CA10: variants seen among roughly 807,000 people sequenced by gnomAD.
CA10 encodes carbonic anhydrase 10 (inactive), also known as carbonic anhydrase-related protein 10.
CA10 carries 14 observed loss-of-function variants against 44.2 expected under a neutral mutation model. The observed-to-expected ratio is 0.32, with a 90% CI of 0.21 to 0.50. The LOEUF is 0.50. CA10 is among the 20% of genes least tolerant of loss of function. CA10 has a pLI of 0.99. For synonymous variants in CA10, 159 were observed against 141.6 expected (o/e 1.12, Z -0.87); for missense variants, 350 against 409.7 (o/e 0.85, Z 1.26).
At chr17:52,072,715 AC>A (rs1437723384) in intron 1 of CA10, among the ~76,000 whole-genome samples, 30 of 149,898 alleles carry the variant, frequency 2.0e-4, no homozygotes, top group African/African-American at 6.9e-4. Flanking sequence ...ACACACACAC[AC>A]AACACACACA....
chr17:51,832,132 G>A (rs1251128782), intron 3 of CA10, among the ~76,000 whole-genome samples: 1 of 152,194 alleles, frequency 6.6e-6, no homozygotes, highest in Admixed American at 6.5e-5. Context: ...CACACCCCCA[G>A]TGCCACCTGG....
intron 2 of CA10, among the ~76,000 whole-genome samples, chr17:51,967,999 T>C (rs890146097): frequency 2.0e-5 from 3 of 151,824 alleles, no homozygotes; most frequent in Non-Finnish European, 2.9e-5. Flanking sequence ...TCTAATCACA[T>C]GATCCATTTA....
chr17:52,156,187 AAGAG>A (rs907532674), intron 1 of CA10, among the ~76,000 whole-genome samples: 3 of 152,328 alleles, frequency 2.0e-5, no homozygotes, highest in African/African-American at 7.2e-5. Context: ...ATTCTGGAAC[AAGAG>A]AGAGAGTTTG....
intron 2 of CA10, among the ~76,000 whole-genome samples, chr17:52,049,871 T>C (rs1035013831): frequency 2.0e-5 from 3 of 152,108 alleles, no homozygotes; most frequent in Non-Finnish European, 4.4e-5. Context: ...GAATACCATA[T>C]GTTTTACTGG....
chr17:51,942,217 A>G (rs1483786903), intron 2 of CA10, among the ~76,000 whole-genome samples: 2 of 152,080 alleles, frequency 1.3e-5, no homozygotes, highest in African/African-American at 4.8e-5. Context: ...TATTATTTAC[A>G]CAAATAACAG....
In CA10 at chr17:51,724,988, A is replaced by G. The variant is rs147609126; in HGVS notation, c.465+22645T>C. On this transcript the variant is annotated intron_variant, in intron 4 of 8. Coordinates refer to ENST00000451037, the MANE Select transcript of CA10 (RefSeq NM_020178.5). ...TGGTAGGAGCAGTTTTATGGTCCTC[A>G]ACAGTCACCATATGCATTCCTTATA... Among the ~76,000 whole-genome samples the G allele has an allele frequency of 3.3e-5, 5 of 152,316 alleles. No individual in the cohort carries two copies. In the East Asian group the frequency reaches 9.6e-4, roughly 29 times the overall value.
rs555079955 is a variant in CA10 at position 51,923,310 on chromosome 17, C to T, written c.279+7680G>A. 5.8e-4 allele frequency among the ~76,000 whole-genome samples: 89 copies of T among 152,244 alleles called. 4 individuals are homozygous for T. In the South Asian group the frequency reaches 0.018, roughly 32 times the overall value. On this transcript the variant is annotated intron_variant, in intron 3 of 8. Transcript: ENST00000451037. ...AAGATCATCTGACATTTAAGATCCT[C>T]CTGCAAGTTACATTTCTTTCTATCT...
chr17:51,955,938 T>C lies in CA10; in HGVS notation c.137-24806A>G, dbSNP rs542098392. ...GCAGCAAACCACCATGGCACGTGTA[T>C]ACCTATGTAACAAACCTGCACATTC... On this transcript the variant is annotated intron_variant, in intron 2 of 8. Coordinates refer to ENST00000451037, the MANE Select transcript of CA10 (RefSeq NM_020178.5). Among the ~76,000 whole-genome samples the C allele has an allele frequency of 1.3e-3, 194 of 152,246 alleles. 1 individual carries two copies. Among genetic ancestry groups the C allele is most frequent in the Non-Finnish European group, 2.2e-3 (147 of 68,024 alleles).
At chr17:51,966,819 A>G (rs1157787826) in intron 2 of CA10, among the ~76,000 whole-genome samples, 6 of 151,488 alleles carry the variant, frequency 4.0e-5, no homozygotes, top group African/African-American at 1.5e-4. Context: ...GAATTTATGA[A>G]TAAGTCCTTA....
At chr17:52,005,557 T>G (rs1036003933) in intron 2 of CA10, among the ~76,000 whole-genome samples, 3 of 151,888 alleles carry the variant, frequency 2.0e-5, no homozygotes, top group Non-Finnish European at 4.4e-5. Flanking sequence ...CCATGAGTGT[T>G]GCATACTGCC....
chr17:51,888,883 G>C (rs947986751), intron 3 of CA10, among the ~76,000 whole-genome samples: 1 of 152,188 alleles, frequency 6.6e-6, no homozygotes, highest in Non-Finnish European at 1.5e-5. Context: ...ACTGGGATCA[G>C]CTGGGTGACT....
chr17:51,782,697 G>C (rs1906111098), intron 3 of CA10, among the ~76,000 whole-genome samples: 1 of 152,200 alleles, frequency 6.6e-6, no homozygotes, highest in Non-Finnish European at 1.5e-5. Context: ...ATCTTGGCAG[G>C]AAAGCAATTC....
chr17:51,956,539 C>A (rs1052909667), intron 2 of CA10, among the ~76,000 whole-genome samples: 3 of 152,092 alleles, frequency 2.0e-5, no homozygotes, highest in Admixed American at 2.0e-4. Context: ...GAAATTTTAG[C>A]TTCTCATTTG....
intron 2 of CA10, among the ~76,000 whole-genome samples, chr17:52,003,989 T>C (rs977979530): frequency 2.6e-5 from 4 of 151,622 alleles, no homozygotes; most frequent in Non-Finnish European, 4.4e-5. Context: ...CTGTCTCTTA[T>C]GAGGACAACC....
intron 2 of CA10, among the ~76,000 whole-genome samples, chr17:52,059,618 A>G (rs1486598502): frequency 1.3e-5 from 2 of 152,106 alleles, no homozygotes; most frequent in African/African-American, 2.4e-5. Flanking sequence ...ACATGTATAC[A>G]TATGTATCAA....
At chr17:52,117,307 T>G (rs1286453878) in intron 1 of CA10, among the ~76,000 whole-genome samples, 1 of 152,224 alleles carries the variant, frequency 6.6e-6, no homozygotes, top group African/African-American at 2.4e-5. Context: ...GTTTTCCTCA[T>G]GGAAGCCCAG....
intron 4 of CA10, among the ~76,000 whole-genome samples, chr17:51,705,125 T>A (rs1054252324): frequency 1.3e-5 from 2 of 152,226 alleles, no homozygotes; most frequent in Non-Finnish European, 2.9e-5. Flanking sequence ...CATTTTGTAT[T>A]AAGCCTTGAC....
chr17:51,726,072 G>C (rs1916509988), intron 4 of CA10, among the ~76,000 whole-genome samples: 1 of 152,238 alleles, frequency 6.6e-6, no homozygotes, highest in South Asian at 2.1e-4. Flanking sequence ...TGAAAGAGAA[G>C]TAGGATTTGA....
At chr17:51,847,709 T>C (rs1026667196) in intron 3 of CA10, among the ~76,000 whole-genome samples, 1 of 152,140 alleles carries the variant, frequency 6.6e-6, no homozygotes, top group Middle Eastern at 3.2e-3. Context: ...CTGGGGTAAA[T>C]GCATTAGGCT....
Sources: gnomAD v4.1 joint callset for allele counts (sites outside exome capture counted in the v4.1 genomes callset) on GRCh38, gnomAD v4.1.1 for gene constraint, MANE v1.5 for transcripts, NCBI Gene and HGNC (gene_info 2026-07-23, HGNC 2026-07-21) for gene names.